The following CCDC112 variants were observed in gnomAD, a reference collection of about 807,000 sequenced individuals.
CCDC112 encodes the protein coiled-coil domain-containing protein 112.
CCDC112 carries 40 observed loss-of-function variants against 66.3 expected under a neutral mutation model. The ratio of observed to expected loss-of-function variants is 0.60; its 90% confidence interval spans 0.47 to 0.79. The LOEUF (loss-of-function observed/expected upper bound fraction) is 0.79. CCDC112 is among the 30% of genes least tolerant of loss of function. The pLI, the probability that CCDC112 is intolerant of heterozygous loss-of-function variation, is 0.00. For synonymous variants in CCDC112, 214 were observed against 197.2 expected, an observed-to-expected ratio of 1.09 and a Z score of -0.71; for missense variants, 659 against 603.8, an observed-to-expected ratio of 1.09 and a Z score of -0.96.
rs1580801140 is a variant in CCDC112, at chr5:115,279,748, T to C, written c.260A>G (p.Asp87Gly). The C allele has an allele frequency of 2.6e-6, 4 of 1,513,990 alleles. No individual in the cohort carries two copies. The highest frequency in any genetic ancestry group is 2.7e-6 in the Non-Finnish European group (3 of 1,091,142). The allele number at this position is 1,513,990 out of a possible 1,614,324, so 93.8% of individuals were successfully genotyped here. A position where few individuals can be genotyped will look rare whatever the true frequency, so the allele number is the denominator to read the frequency against. The change falls in exon 3 of 10, where the codon GAT becomes GGT. Residue 87 changes from aspartate to glycine, a missense_variant. Physicochemically the swap from Asp to Gly is moderately conservative, Grantham distance 94 (BLOSUM62 -1). Coordinates refer to ENST00000379611, the MANE Select transcript of CCDC112 (RefSeq NM_001040440.3). ...FKNQVINMEK[D>G]KHSHFYNQKS... The stretch of plus-strand genomic sequence containing the variant: ...TTGGTTGTAGAAATGACTGTGTTTA[T>C]CTTTTTCCATGTTAATTACTCTTTA...
At chr5:115,281,780 T>A (rs528068731) in intron 2 of CCDC112, among the ~76,000 whole-genome samples, 2 of 152,134 alleles carry the variant, frequency 1.3e-5, no homozygotes, top group Admixed American at 1.3e-4. Flanking sequence ...ACCTCCTCAA[T>A]AGAAGAAATG....
intron 2 of CCDC112, among the ~76,000 whole-genome samples, chr5:115,281,057 T>C (rs1472903769): frequency 2.7e-5 from 4 of 150,642 alleles, no homozygotes; most frequent in Admixed American, 2.0e-4. Context: ...AGACTCTCGC[T>C]CTGTCACCCA....
chr5:115,275,392 C>A lies in CCDC112; in HGVS notation c.742G>T (p.Gly248Cys). The A allele has an allele frequency of 6.2e-7, 1 of 1,614,014 alleles. No individual in the cohort carries two copies. The highest frequency in any genetic ancestry group is 8.5e-7 in the Non-Finnish European group (1 of 1,179,984). The part of the protein sequence containing the change: ...KFLQQTGGRQ[G>C]AWDDYDHQNF... ...TGGTGATCATAATCATCCCAGGCAC[C>A]TTGTCGCCCTCCTGTTTGCTGAAGG... The change falls in exon 6 of 10, where the codon GGT becomes TGT. Residue 248 changes from glycine to cysteine, a missense_variant. Coordinates refer to ENST00000379611, the MANE Select transcript of CCDC112 (RefSeq NM_001040440.3).
At position 115,267,849 on chromosome 5, in the gene CCDC112, T is replaced by C. The variant is rs749324586; in HGVS notation, c.*27A>G. The C allele has an allele frequency of 6.3e-7, 1 of 1,583,652 alleles. No individual in the cohort carries two copies. The highest frequency in any genetic ancestry group is 1.1e-5 in the South Asian group (1 of 90,446). The stretch of plus-strand genomic sequence containing the variant: ...GTATAACTTAGTATGTTAACATTCT[T>C]ATCAACTGAGTAGCAATTTGATTAT... On this transcript the variant is annotated 3_prime_UTR_variant, in exon 10 of 10. Coordinates refer to ENST00000379611, the MANE Select transcript of CCDC112 (RefSeq NM_001040440.3).
At chr5:115,294,678 G>C (rs1259445970) in intron 1 of CCDC112, among the ~76,000 whole-genome samples, 1 of 152,160 alleles carries the variant, frequency 6.6e-6, no homozygotes, top group Non-Finnish European at 1.5e-5. Flanking sequence ...ATACTAGTTG[G>C]TTTCAGTGTT....
At chr5:115,281,379 T>C (rs1749450596) in intron 2 of CCDC112, among the ~76,000 whole-genome samples, 1 of 152,196 alleles carries the variant, frequency 6.6e-6, no homozygotes, top group African/African-American at 2.4e-5. Context: ...CAGATGAGAC[T>C]GCCCCAGAGC....
Position 115,277,115 on chromosome 5 carries a change from A to C in CCDC112, c.362-61T>G, listed in dbSNP as rs1381490914. On this transcript the variant is annotated intron_variant, in intron 3 of 9. Coordinates refer to ENST00000379611, the MANE Select transcript of CCDC112 (RefSeq NM_001040440.3). ...GTGACAAATGTGGTTACAATTCAGGAATCTACATGTAAGACTGATCACTGT... is the reference window on the plus strand; with the variant it reads ...GTGACAAATGTGGTTACAATTCAGGCATCTACATGTAAGACTGATCACTGT... The C allele has an allele frequency of 1.4e-5, 13 of 958,406 alleles. No individual in the cohort carries two copies. The African/African-American group carries it at 1.9e-4, about 14-fold the overall frequency. 59.4% of individuals were successfully genotyped at this position (958,406 alleles called of 1,614,324 possible). A position where few individuals can be genotyped will look rare whatever the true frequency, so the allele number is the denominator to read the frequency against.
chr5:115,268,010 A>G (rs1341355214), intron 9 of CCDC112, 92 bp from the exon 10 acceptor site: 7 of 958,762 alleles, frequency 7.3e-6, no homozygotes, highest in Non-Finnish European at 1.2e-5. Context: ...TAAAATATAT[A>G]TATAACCTAC....
intron 6 of CCDC112, among the ~76,000 whole-genome samples, chr5:115,273,561 T>C (rs998983857): frequency 6.6e-6 from 1 of 152,162 alleles, no homozygotes; most frequent in Non-Finnish European, 1.5e-5. Context: ...TGATGATATA[T>C]CAGTCATCAA....
At chr5:115,291,803 T>C (rs143974647) in intron 1 of CCDC112, among the ~76,000 whole-genome samples, 33 of 152,298 alleles carry the variant, frequency 2.2e-4, no homozygotes, top group Admixed American at 3.9e-4. Context: ...TGGCAGTCTT[T>C]TTCTATTTTA....
intron 1 of CCDC112, among the ~76,000 whole-genome samples, chr5:115,288,115 G>A (rs547858911): frequency 6.6e-6 from 1 of 152,002 alleles, no homozygotes; most frequent in Non-Finnish European, 1.5e-5. Context: ...CGAGTAGCTG[G>A]GATTACAGGC....
At position 115,267,819 on chromosome 5, in the gene CCDC112, C is replaced by G; in HGVS notation, c.*57G>C. ...TAAAGAATGTGGTTAGTCACTCTCT[C>G]CCTGGTATAACTTAGTATGTTAACA... On this transcript the variant is annotated 3_prime_UTR_variant, in exon 10 of 10. Coordinates refer to ENST00000379611, the MANE Select transcript of CCDC112 (RefSeq NM_001040440.3). 1 of 1,331,028 alleles carries G rather than the reference C, an allele frequency of 7.5e-7. No homozygotes were observed. Among genetic ancestry groups the G allele is most frequent in the Non-Finnish European group, 1.1e-6 (1 of 922,862 alleles). 82.5% of individuals were successfully genotyped at this position (1,331,028 alleles called of 1,614,324 possible).
intron 1 of CCDC112, among the ~76,000 whole-genome samples, chr5:115,288,272 C>T (rs1401256948): frequency 6.6e-6 from 1 of 152,194 alleles, no homozygotes; most frequent in Non-Finnish European, 1.5e-5. Context: ...TTAGCCACCG[C>T]ACCCAGCCAC....
Position 115,275,995 on chromosome 5 carries a change from T to C in CCDC112, c.526A>G (p.Ile176Val). Residue 176 changes from isoleucine to valine, a missense_variant and splice_region_variant, in exon 5 of 10, where the codon ATA becomes GTA. Physicochemically the swap from Ile to Val is conservative, Grantham distance 29. Coordinates refer to ENST00000379611, the MANE Select transcript of CCDC112 (RefSeq NM_001040440.3). The stretch of plus-strand genomic sequence containing the variant: ...TATTAAAATGAGTTTAAAACATACA[T>C]CAACCTCTGCTCTTCTTTAAAAGTG... ...INTFKEEQRL[I>V]YEELIKEEKT... 6.3e-7 allele frequency: 1 copy of C among 1,587,944 alleles called. No individual in the cohort carries two copies. The highest frequency in any genetic ancestry group is 8.6e-7 in the Non-Finnish European group (1 of 1,161,810).
chr5:115,281,494 T>C (rs1367654659), intron 2 of CCDC112, among the ~76,000 whole-genome samples: 4 of 152,198 alleles, frequency 2.6e-5, no homozygotes, highest in East Asian at 1.9e-4. Context: ...AGATATCAAA[T>C]AGATTTCAGT....
At position 115,267,653 on chromosome 5, in the gene CCDC112, T is replaced by A. The variant is rs1261035651; in HGVS notation, c.*223A>T. 2.1e-6 allele frequency: 1 copy of A among 466,138 alleles called. No homozygotes were observed. The highest frequency in any genetic ancestry group is 4.1e-5 in the Admixed American group (1 of 24,568). 28.9% of individuals were successfully genotyped at this position (466,138 alleles called of 1,614,324 possible). A position where few individuals can be genotyped will look rare whatever the true frequency, so the allele number is the denominator to read the frequency against. ...CTAACATTAACTTATTTAAATAACT[T>A]TTACATCAATAATAGGCCAACACAT... On this transcript the variant is annotated 3_prime_UTR_variant, in exon 10 of 10. Coordinates refer to ENST00000379611, the MANE Select transcript of CCDC112 (RefSeq NM_001040440.3).
rs73780093 is a variant in CCDC112 at position 115,281,606 on chromosome 5, G to A, written c.240-1838C>T. Among the ~76,000 whole-genome samples, 431 of 152,256 alleles carry A rather than the reference G, an allele frequency of 2.8e-3. 1 individual carries two copies. Among genetic ancestry groups the A allele is most frequent in the African/African-American group, 8.5e-3 (353 of 41,548 alleles). ...GAAAATTACTATGATAAAAAGAAACGTCTGCCATGGACACAGGATATGCTA... is the reference window on the plus strand; with the variant it reads ...GAAAATTACTATGATAAAAAGAAACATCTGCCATGGACACAGGATATGCTA... On this transcript the variant is annotated intron_variant, in intron 2 of 9. Coordinates refer to ENST00000379611, the MANE Select transcript of CCDC112 (RefSeq NM_001040440.3).
At chr5:115,275,004 G>C (rs1749143305) in intron 6 of CCDC112, among the ~76,000 whole-genome samples, 1 of 152,058 alleles carries the variant, frequency 6.6e-6, no homozygotes, top group African/African-American at 2.4e-5. Flanking sequence ...TAACCTCCCA[G>C]AGTGCTGGGA....
At chr5:115,269,238 A>AT (rs1748900556) in intron 8 of CCDC112, among the ~76,000 whole-genome samples, 1 of 152,048 alleles carries the variant, frequency 6.6e-6, no homozygotes, top group South Asian at 2.1e-4. Context: ...TTCTATTCCT[A>AT]TTTTTCTATT....
Sources: gnomAD v4.1 joint callset for allele counts (sites outside exome capture counted in the v4.1 genomes callset) on GRCh38, gnomAD v4.1.1 for gene constraint, MANE v1.5 for transcripts, NCBI Gene and HGNC (gene_info 2026-07-23, HGNC 2026-07-21) for gene names.